FSIP1: variants seen among roughly 807,000 people sequenced by gnomAD.
The protein encoded by FSIP1 is fibrous sheath interacting protein 1.
A neutral mutation model predicts 60.9 loss-of-function variants in FSIP1; 65 were observed. The observed-to-expected ratio is 1.07, with a 90% CI of 0.87 to 1.31. The LOEUF (loss-of-function observed/expected upper bound fraction) is 1.31. Among genes scored for constraint, FSIP1 ranks in the 40% most tolerant of loss-of-function variants. FSIP1 has a pLI of 0.00. For synonymous variants in FSIP1, 209 were observed against 221.2 expected (o/e 0.94, Z 0.49); for missense variants, 675 against 665.5 (o/e 1.01, Z -0.16).
intron 8 of FSIP1, among the ~76,000 whole-genome samples, chr15:39,727,853 G>C (rs1457820301): frequency 6.6e-6 from 1 of 152,170 alleles, no homozygotes; most frequent in Non-Finnish European, 1.5e-5. Flanking sequence ...AACTATCTCT[G>C]TTTGCAGACA....
intron 8 of FSIP1, 95 bp from the exon 9 acceptor site, chr15:39,726,842 TACACACACAAACACAC>T: frequency 1.3e-6 from 1 of 760,628 alleles, no homozygotes; most frequent in Non-Finnish European, 2.1e-6. Context: ...GGTCTTCACA[TACACACACAAACACAC>T]ACACACACAC....
intron 10 of FSIP1, among the ~76,000 whole-genome samples, chr15:39,682,354 T>C (rs928158673): frequency 1.3e-5 from 2 of 151,930 alleles, no homozygotes; most frequent in African/African-American, 4.8e-5. Context: ...TATTTTACTT[T>C]GGAAAAAAAA....
chr15:39,660,873 G>A (rs892993773), intron 10 of FSIP1, among the ~76,000 whole-genome samples: 1 of 152,066 alleles, frequency 6.6e-6, no homozygotes, highest in Non-Finnish European at 1.5e-5. Flanking sequence ...GATCAGCCTG[G>A]TCAAAATGGT....
rs774863237 is a variant in FSIP1, at chr15:39,726,600, G to C, written c.1039C>G (p.Arg347Gly). Residue 347 changes from arginine (R) to glycine (G), a missense_variant, in exon 9 of 12, where the codon CGG becomes GGG. Transcript: ENST00000350221. Reference protein sequence around the residue: ...ISSFSPRLENRNNQKPDRDGE... With the variant: ...ISSFSPRLENGNNQKPDRDGE... ...GGTTCTTCAAATACCTGATTATTCC[G>C]ATTTTCAAGTCTTGGAGAAAAACTG... The C allele has an allele frequency of 1.9e-6, 3 of 1,613,954 alleles. No homozygotes were observed. Among genetic ancestry groups the C allele is most frequent in the East Asian group, 2.2e-5 (1 of 44,856 alleles).
At chr15:39,714,432 T>C (rs1175529897) in intron 9 of FSIP1, among the ~76,000 whole-genome samples, 4 of 151,244 alleles carry the variant, frequency 2.6e-5, no homozygotes, top group Admixed American at 6.6e-5. Flanking sequence ...ATTTTTGAAA[T>C]CACTCAAGCC....
At chr15:39,707,269 T>A (rs1895312805) in intron 10 of FSIP1, among the ~76,000 whole-genome samples, 1 of 152,208 alleles carries the variant, frequency 6.6e-6, no homozygotes, top group Non-Finnish European at 1.5e-5. Flanking sequence ...TCCCCTGGGC[T>A]ACCTGATTGT....
chr15:39,736,156 G>C (rs1896600294), intron 8 of FSIP1, among the ~76,000 whole-genome samples: 1 of 152,226 alleles, frequency 6.6e-6, no homozygotes, highest in African/African-American at 2.4e-5. Context: ...TGTCATGTAT[G>C]CATGTTGACC....
intron 11 of FSIP1, among the ~76,000 whole-genome samples, chr15:39,601,964 T>C (rs1890656769): frequency 1.3e-5 from 2 of 152,056 alleles, no homozygotes; most frequent in Admixed American, 1.3e-4. Flanking sequence ...AAATTGATAG[T>C]GGTGATGGAG....
intron 10 of FSIP1, among the ~76,000 whole-genome samples, chr15:39,622,949 C>T (rs927521984): frequency 2.6e-5 from 4 of 151,956 alleles, no homozygotes; most frequent in Admixed American, 6.5e-5. Flanking sequence ...TTTGTGTGTA[C>T]GTTTTATGCA....
At position 39,770,422 on chromosome 15, in the gene FSIP1, C is replaced by T. The variant is rs1430450237; in HGVS notation, c.310+5G>A. The stretch of plus-strand genomic sequence containing the variant: ...CATTAGCCAATCACCTAGTGATTAT[C>T]CTACCTGAACACTCAGAGATTATCT... On this transcript the variant is annotated splice_donor_5th_base_variant and intron_variant, in intron 3 of 11. Coordinates refer to ENST00000350221, the MANE Select transcript of FSIP1 (RefSeq NM_152597.5). 1 of 1,570,226 alleles carries T rather than the reference C, an allele frequency of 6.4e-7. No individual in the cohort carries two copies. Among genetic ancestry groups the T allele is most frequent in the Admixed American group, 2.0e-5 (1 of 50,080 alleles).
chr15:39,765,640 A>G lies in FSIP1; in HGVS notation c.417T>C (p.Ile139=), dbSNP rs768995905. The part of the protein sequence containing the change: ...LAKKQRREKE[I]KKQGLEMRIK... ...TTCTCATTTCTAGACCTTGCTTCTT[A>G]ATTTCTTTTTCTCTGCGTTGTTTCT... The change falls in exon 4 of 12, where the codon ATT becomes ATC. Residue 139 remains isoleucine, a synonymous_variant. Transcript: ENST00000350221. 1.2e-6 allele frequency: 2 copies of G among 1,605,624 alleles called. No homozygotes were observed. Among genetic ancestry groups the G allele is most frequent in the South Asian group, 2.2e-5 (2 of 89,002 alleles).
intron 3 of FSIP1, among the ~76,000 whole-genome samples, chr15:39,766,990 G>T (rs1028545745): frequency 6.6e-6 from 1 of 152,094 alleles, no homozygotes; most frequent in Non-Finnish European, 1.5e-5. Flanking sequence ...GACTACAGGT[G>T]CATGTCACCA....
intron 8 of FSIP1, among the ~76,000 whole-genome samples, chr15:39,732,213 C>T (rs1389219042): frequency 6.6e-6 from 1 of 152,212 alleles, no homozygotes; most frequent in Non-Finnish European, 1.5e-5. Context: ...GTAATGCTCG[C>T]TAGCCCACCG....
chr15:39,759,240 A>G (rs1457750720), intron 5 of FSIP1, among the ~76,000 whole-genome samples: 1 of 152,106 alleles, frequency 6.6e-6, no homozygotes, highest in African/African-American at 2.4e-5. Context: ...CAAATAATTA[A>G]TATCCTTAAT....
At chr15:39,755,958 T>C (rs1225825544) in intron 5 of FSIP1, among the ~76,000 whole-genome samples, 1 of 152,084 alleles carries the variant, frequency 6.6e-6, no homozygotes, top group Non-Finnish European at 1.5e-5. Context: ...CCTGGCGATG[T>C]AAAAGAGTTT....
chr15:39,644,421 G>T (rs1386550705), intron 10 of FSIP1, among the ~76,000 whole-genome samples: 5 of 152,150 alleles, frequency 3.3e-5, no homozygotes, highest in African/African-American at 1.2e-4. Context: ...ATCGCCACCA[G>T]TCAAGGCATC....
intron 10 of FSIP1, among the ~76,000 whole-genome samples, chr15:39,623,562 A>T (rs1183451122): frequency 2.0e-5 from 3 of 152,234 alleles, no homozygotes; most frequent in African/African-American, 7.2e-5. Flanking sequence ...CTTAATGACG[A>T]AGATATAAGT....
chr15:39,671,264 A>T (rs1893708624), intron 10 of FSIP1, among the ~76,000 whole-genome samples: 1 of 151,946 alleles, frequency 6.6e-6, no homozygotes, highest in South Asian at 2.1e-4. Context: ...GAAGAAAATA[A>T]TTTTTTTTCA....
chr15:39,654,726 C>A (rs938445619), intron 10 of FSIP1, among the ~76,000 whole-genome samples: 1 of 152,192 alleles, frequency 6.6e-6, no homozygotes, highest in African/African-American at 2.4e-5. Context: ...CAAGGACAAC[C>A]ACATCAGTCA....
Sources: allele counts gnomAD v4.1 joint callset (sites outside exome capture counted in the v4.1 genomes callset), GRCh38; gene constraint gnomAD v4.1.1; transcripts MANE v1.5; gene names NCBI Gene and HGNC (gene_info 2026-07-23, HGNC 2026-07-21).